Variants in AHNAK observed in about 807,000 individuals in gnomAD.
AHNAK encodes the protein AHNAK nucleoprotein, also known as neuroblast differentiation-associated protein AHNAK.
A neutral mutation model predicts 37.8 loss-of-function variants in AHNAK; 23 were observed. The observed-to-expected ratio is 0.61, with a 90% CI of 0.44 to 0.86. The LOEUF is 0.86. AHNAK is among the 40% of genes least tolerant of loss of function. AHNAK has a pLI of 0.00. For missense variants in AHNAK, 7,411 were observed against 7,319.4 expected (o/e 1.01, Z -0.46); for synonymous variants, 2,481 against 2,636.3 (o/e 0.94, Z 1.80).
At chr11:62,501,196 C>T (rs1230966860) in intron 4 of AHNAK, among the ~76,000 whole-genome samples, 3 of 150,018 alleles carry the variant, frequency 2.0e-5, no homozygotes, top group African/African-American at 4.9e-5. Flanking sequence ...AGTGAGACCC[C>T]ATCCAAAAAA....
At chr11:62,479,719 C>T (rs1939226956) in intron 5 of AHNAK, among the ~76,000 whole-genome samples, 1 of 152,034 alleles carries the variant, frequency 6.6e-6, no homozygotes, top group Non-Finnish European at 1.5e-5. Flanking sequence ...CTTCCATTCC[C>T]TTCTTCCACG....
intron 4 of AHNAK, among the ~76,000 whole-genome samples, chr11:62,496,556 G>C (rs755499049): frequency 6.6e-5 from 10 of 152,142 alleles, no homozygotes; most frequent in Non-Finnish European, 1.2e-4. Flanking sequence ...CAGCACTTTG[G>C]GAGGCCGAGG....
chr11:62,498,934 T>C (rs904801721), intron 4 of AHNAK, among the ~76,000 whole-genome samples: 1 of 152,148 alleles, frequency 6.6e-6, no homozygotes, highest in Non-Finnish European at 1.5e-5. Context: ...TCAACAAATA[T>C]TTATTGAGCA....
In AHNAK at chr11:62,525,299, G is replaced by C. The variant is rs1466834301; in HGVS notation, c.9118C>G (p.Pro3040Ala). The change falls in exon 5 of 5, where the codon CCA (proline) becomes GCA (alanine). Residue 3040 changes from proline (P) to alanine (A), a missense_variant. Transcript: ENST00000378024. ...TTGGGCAGGTTCACATCCACATCTG[G>C]GCCCTCTCCTTTGAAGCCAGGCATG... is the stretch of plus-strand genomic sequence containing the variant. ...FSMPGFKGEG[P>A]DVDVNLPKAD... The C allele has an allele frequency of 2.6e-5, 42 of 1,612,398 alleles. No homozygotes were observed. Among genetic ancestry groups the C allele is most frequent in the Non-Finnish European group, 3.5e-5 (41 of 1,179,698 alleles).
downstream of AHNAK, among the ~76,000 whole-genome samples, chr11:62,512,084 C>T (rs1187288568): frequency 6.6e-6 from 1 of 152,178 alleles, no homozygotes; most frequent in Non-Finnish European, 1.5e-5. This position sits in a 1 kb window ranked among gnomAD's most constrained non-coding sequence, Gnocchi z 4.0. Flanking sequence ...CGAGCCCAGG[C>T]AATCCACCTG....
intron 4 of AHNAK, among the ~76,000 whole-genome samples, chr11:62,506,737 T>C (rs895649237): frequency 6.6e-6 from 1 of 152,076 alleles, no homozygotes; most frequent in Non-Finnish European, 1.5e-5. Flanking sequence ...GATTTGATCA[T>C]AGTTTCTCCC....
At position 62,527,879 on chromosome 11, in the gene AHNAK, T is replaced by G. The variant is rs1402897045; in HGVS notation, c.6538A>C (p.Lys2180Gln). 1 of 1,613,808 alleles carries G rather than the reference T, an allele frequency of 6.2e-7. No individual in the cohort carries two copies. The highest frequency in any genetic ancestry group is 8.5e-7 in the Non-Finnish European group (1 of 1,179,954). The change falls in exon 5 of 5, where the codon AAG becomes CAG. Residue 2180 changes from lysine to glutamine, a missense_variant. Transcript: ENST00000378024. ...TCAGGCATGGAGATCTTGGGGGTCT[T>G]GAAGTGCATCTCAGGCATCTTAAAC... is the stretch of plus-strand genomic sequence containing the variant. ...PKFKMPEMHF[K>Q]TPKISMPDVN...
Position 62,533,197 on chromosome 11 carries a change from C to A in AHNAK, c.1220G>T (p.Ser407Ile). 6.5e-7 allele frequency: 1 copy of A among 1,528,474 alleles called. No homozygotes were observed. Among genetic ancestry groups the A allele is most frequent in the South Asian group, 1.3e-5 (1 of 75,514 alleles). The allele number at this position is 1,528,474 out of a possible 1,614,324, so 94.7% of individuals were successfully genotyped here. A position where few individuals can be genotyped will look rare whatever the true frequency, so the allele number is the denominator to read the frequency against. ...AACTTCCACACTGGGGCCAGTGATG[C>A]TACCCCCAATTTGGGGAGCAGAGGC... ...VDASAPQIGG[S>I]ITGPSVEVQA... is the part of the protein sequence containing the mutation. Residue 407 changes from serine to isoleucine, a missense_variant, in exon 5 of 5, where the codon AGC becomes ATC. By Grantham distance (142) the Ser-to-Ile change is moderately radical (BLOSUM62 -2). Transcript: ENST00000378024.
intron 5 of AHNAK, among the ~76,000 whole-genome samples, chr11:62,471,994 TCTGGGTCATCTCCCCTTGGAGCCAGGA>T (rs1939044736): frequency 6.6e-6 from 1 of 152,024 alleles, no homozygotes; most frequent in South Asian, 2.1e-4. Flanking sequence ...CGCCCCAGGG[TCTGGGTCATCTCCCCTTGGAGCCAGGA>T]GGCTGCCCAT....
intron 4 of AHNAK, among the ~76,000 whole-genome samples, chr11:62,505,905 G>C (rs1939802441): frequency 6.6e-6 from 1 of 151,704 alleles, no homozygotes; most frequent in Admixed American, 6.6e-5. Flanking sequence ...CAAGCGGTCC[G>C]GGCCGGGTGC....
chr11:62,458,743 T>C (rs910525730), intron 5 of AHNAK, among the ~76,000 whole-genome samples: 7 of 152,014 alleles, frequency 4.6e-5, no homozygotes, highest in African/African-American at 1.2e-4. Context: ...GCTGGTTCTG[T>C]TTCCTCAAGG....
rs907389756 is a variant in AHNAK at position 62,441,835 on chromosome 11, C to T, written c.443-7944G>A. On this transcript the variant is annotated intron_variant, in intron 5 of 5. Transcript: ENST00000257247. Reference sequence around the variant, plus strand: ...AAATAAATACATAAATAAATAAATCCTCCAGGAGCTCAGTTCACCCTCACC... The same window carrying T: ...AAATAAATACATAAATAAATAAATCTTCCAGGAGCTCAGTTCACCCTCACC... Among the ~76,000 whole-genome samples, 5 of 152,206 alleles carry T rather than the reference C, an allele frequency of 3.3e-5. No homozygotes were observed. The East Asian group carries it at 9.7e-4, about 29-fold the overall frequency.
chr11:62,516,833 G>C lies in AHNAK; in HGVS notation c.17584C>G (p.Leu5862Val), dbSNP rs142839608. The change falls in exon 5 of 5, where the codon CTG (leucine) becomes GTG (valine). Residue 5862 changes from leucine to valine, a missense_variant. Coordinates refer to ENST00000378024, the MANE Select transcript of AHNAK (RefSeq NM_001620.3). ...GVSLASKKSR[L>V]SSSSSNDSGN... ...CTGTCATTGCTAGAAGAGGAGGACA[G>C]TCGGGACTTCTTAGAGGCCAGGGAC... 3.4e-4 allele frequency: 545 copies of C among 1,614,208 alleles called. 1 individual carries two copies. The highest frequency in any genetic ancestry group is 1.6e-4 in the Middle Eastern group (1 of 6,062).
At chr11:62,435,254 T>C (rs1010463139) in intron 5 of AHNAK, among the ~76,000 whole-genome samples, 5 of 152,216 alleles carry the variant, frequency 3.3e-5, no homozygotes, top group Non-Finnish European at 5.9e-5. Flanking sequence ...TTCTGCCCCA[T>C]TTATTCACTA....
At chr11:62,515,567 C>T (rs1939994431), downstream of AHNAK, among the ~76,000 whole-genome samples, 1 of 152,196 alleles carries the variant, frequency 6.6e-6, no homozygotes, top group African/African-American at 2.4e-5. Context: ...CAAGCAGAGC[C>T]CTTTCGGTAA....
chr11:62,524,244 A>C lies in AHNAK; in HGVS notation c.10173T>G (p.Asp3391Glu). The C allele has an allele frequency of 6.2e-7, 1 of 1,613,138 alleles. No individual in the cohort carries two copies. The highest frequency in any genetic ancestry group is 8.5e-7 in the Non-Finnish European group (1 of 1,179,742). Reference protein sequence around the residue: ...TGPKVDINAPDVEVQGKVKGS... With the variant: ...TGPKVDINAPEVEVQGKVKGS... ...CTTTCACTTTTCCTTGGACCTCGAC[A>C]TCAGGAGCATTAATATCAACTTTTG... The change falls in exon 5 of 5, where the codon GAT becomes GAG. Residue 3391 changes from aspartate (D) to glutamate (E), a missense_variant. Physicochemically the swap from Asp to Glu is conservative, Grantham distance 45. Transcript: ENST00000378024.
rs1207978698 is a variant in AHNAK, at chr11:62,532,413, G to A, written c.2004C>T (p.Ala668=). ...CCAGACCCTCCAAGTTGACATCTGG[G>A]GCTTCCACATTGACCTTGGGCCCTG... is the stretch of plus-strand genomic sequence containing the variant. The part of the protein sequence containing the change: ...SISGPKVNVE[A]PDVNLEGLGG... The change falls in exon 5 of 5, where the codon GCC becomes GCT. Residue 668 remains alanine, a synonymous_variant. Coordinates refer to ENST00000378024, the MANE Select transcript of AHNAK (RefSeq NM_001620.3). 1.2e-6 allele frequency: 2 copies of A among 1,613,804 alleles called. No homozygotes were observed. Among genetic ancestry groups the A allele is most frequent in the African/African-American group, 1.3e-5 (1 of 74,798 alleles).
chr11:62,467,582 G>A (rs1312590965), intron 5 of AHNAK, among the ~76,000 whole-genome samples: 1 of 152,206 alleles, frequency 6.6e-6, no homozygotes, highest in Non-Finnish European at 1.5e-5. Flanking sequence ...CTACTCGGGA[G>A]ACTGAGGCAG....
At chr11:62,500,529 C>G (rs1470870502) in intron 4 of AHNAK, among the ~76,000 whole-genome samples, 2 of 152,192 alleles carry the variant, frequency 1.3e-5, no homozygotes, top group Admixed American at 1.3e-4. Flanking sequence ...CGTGCTGTCC[C>G]TCAGAGAGCC....
Sources: gnomAD v4.1 joint callset for allele counts (sites outside exome capture counted in the v4.1 genomes callset) on GRCh38, gnomAD v4.1.1 for gene constraint, Gnocchi (gnomAD v3.1) non-coding constraint, MANE v1.5 for transcripts, NCBI Gene and HGNC (gene_info 2026-07-23, HGNC 2026-07-21) for gene names.